The following RASGRF2 variants were observed in gnomAD, a reference collection of about 807,000 sequenced individuals.
RASGRF2 encodes Ras protein specific guanine nucleotide releasing factor 2, also known as ras-specific guanine nucleotide-releasing factor 2.
In RASGRF2, 76 loss-of-function variants were observed where a neutral mutation model predicts 151.0. The observed-to-expected ratio is 0.50, with a 90% confidence interval of 0.42 to 0.61. The LOEUF is 0.61. Among genes scored for constraint, RASGRF2 ranks in the 20% least tolerant of loss-of-function variants. The probability of loss-of-function intolerance (pLI) is 0.00; values close to 1 mark genes in which losing one functional copy is unlikely to be tolerated. For missense variants in RASGRF2, 1,148 were observed against 1,564.6 expected (o/e 0.73, Z 4.49); for synonymous variants, 504 against 566.5 (o/e 0.89, Z 1.57).
chr5:81,074,316 A>T (rs554281156), intron 5 of RASGRF2, among the ~76,000 whole-genome samples: 1 of 152,328 alleles, frequency 6.6e-6, no homozygotes, highest in South Asian at 2.1e-4. Flanking sequence ...AGAAAAATAA[A>T]GAAGGGAATG....
Position 81,005,330 on chromosome 5 carries a change from C to T in RASGRF2, c.289-37547C>T, listed in dbSNP as rs1035534322. Among the ~76,000 whole-genome samples, 16 of 152,106 alleles carry T rather than the reference C, an allele frequency of 1.1e-4. No homozygotes were observed. In the South Asian group the frequency reaches 2.5e-3, roughly 24 times the overall value. On this transcript the variant is annotated intron_variant, in intron 1 of 26. Coordinates refer to ENST00000265080, the MANE Select transcript of RASGRF2 (RefSeq NM_006909.3). ...TTCATGCTGGCAGGAAGAAGAAATG[C>T]GAGCGAAGGTGGGGAAAAGCCCCTT...
intron 12 of RASGRF2, among the ~76,000 whole-genome samples, chr5:81,095,538 A>G (rs531227359): frequency 1.3e-5 from 2 of 152,296 alleles, no homozygotes; most frequent in East Asian, 3.9e-4. Flanking sequence ...TGCTCCATTT[A>G]TTTAGGAAAT....
At chr5:81,009,930 G>A (rs569329262) in intron 1 of RASGRF2, among the ~76,000 whole-genome samples, 2 of 152,060 alleles carry the variant, frequency 1.3e-5, no homozygotes, top group Non-Finnish European at 2.9e-5. Context: ...AGGCAGAGGC[G>A]GGCGGATCAC....
chr5:81,068,515 G>A (rs1347547765), intron 3 of RASGRF2, among the ~76,000 whole-genome samples: 1 of 151,598 alleles, frequency 6.6e-6, no homozygotes, highest in African/African-American at 2.4e-5. Context: ...TGATAATTAT[G>A]AGTCTGCCAT....
intron 1 of RASGRF2, among the ~76,000 whole-genome samples, chr5:81,032,052 G>T (rs1411318104): frequency 2.0e-5 from 3 of 152,088 alleles, no homozygotes; most frequent in Non-Finnish European, 4.4e-5. Context: ...AAATGTAGAA[G>T]AAATGGATAA....
intron 12 of RASGRF2, among the ~76,000 whole-genome samples, chr5:81,107,362 A>G (rs1378822148): frequency 6.6e-6 from 1 of 152,150 alleles, no homozygotes; most frequent in African/African-American, 2.4e-5. Flanking sequence ...AGTGTCTCTA[A>G]AAAATAATAA....
intron 17 of RASGRF2, among the ~76,000 whole-genome samples, chr5:81,159,255 A>G (rs1392116470): frequency 6.6e-6 from 1 of 152,240 alleles, no homozygotes; most frequent in Non-Finnish European, 1.5e-5. Flanking sequence ...ATGTTTTTTT[A>G]AAGGGTCAGG....
chr5:81,180,922 C>G (rs1039386928), intron 18 of RASGRF2, among the ~76,000 whole-genome samples: 1 of 152,086 alleles, frequency 6.6e-6, no homozygotes, highest in Non-Finnish European at 1.5e-5. Context: ...AAGTCAGGTG[C>G]CACTTTGCCC....
intron 1 of RASGRF2, among the ~76,000 whole-genome samples, chr5:80,981,440 A>T (rs1054610175): frequency 7.2e-5 from 11 of 152,112 alleles, no homozygotes; most frequent in Non-Finnish European, 7.4e-5. Context: ...AGAGGCAATG[A>T]GGCTTTCTTA....
chr5:81,109,535 G>A (rs895761689), intron 13 of RASGRF2, among the ~76,000 whole-genome samples: 5 of 152,066 alleles, frequency 3.3e-5, no homozygotes, highest in Admixed American at 1.3e-4. Flanking sequence ...GCATGATGGC[G>A]GACACCTGTA....
intron 17 of RASGRF2, among the ~76,000 whole-genome samples, chr5:81,177,285 C>A (rs1754797218): frequency 6.6e-6 from 1 of 152,112 alleles, no homozygotes; most frequent in African/African-American, 2.4e-5. Context: ...AAGATACTTA[C>A]TCTGCCAAGA....
rs1753479512 is a variant in RASGRF2 at position 81,127,152 on chromosome 5, G to A, written c.2675G>A (p.Gly892Glu). 6.2e-7 allele frequency: 1 copy of A among 1,613,862 alleles called. No individual in the cohort carries two copies. Among genetic ancestry groups the A allele is most frequent in the East Asian group, 2.2e-5 (1 of 44,880 alleles). ...ATAGCCACAGCTGCAGCAGGACATG[G>A]GAGTCCACCAGGTGAGTAGGGGAGC... ...FAIATAAAGH[G>E]SPPGFNNTER... Residue 892 changes from glycine (G) to glutamate (E), a missense_variant, in exon 17 of 27, where the codon GGG (glycine) becomes GAG (glutamate). Physicochemically the swap from Gly to Glu is moderately conservative, Grantham distance 98 (BLOSUM62 -2). Around this residue, in one of 5 missense-constraint regions of RASGRF2, gnomAD observed 646 missense variants for 807.4 expected, o/e 0.80. Coordinates refer to ENST00000265080, the MANE Select transcript of RASGRF2 (RefSeq NM_006909.3).
At chr5:81,090,191 A>C (rs1372085959) in intron 9 of RASGRF2, among the ~76,000 whole-genome samples, 1 of 152,216 alleles carries the variant, frequency 6.6e-6, no homozygotes, top group Non-Finnish European at 1.5e-5. Context: ...ATATCTTCTC[A>C]AATGCCTAAC....
chr5:80,999,503 T>C (rs1197331695), intron 1 of RASGRF2, among the ~76,000 whole-genome samples: 1 of 151,972 alleles, frequency 6.6e-6, no homozygotes, highest in Non-Finnish European at 1.5e-5. Flanking sequence ...CCACCATGCC[T>C]GGAATATTTA....
At chr5:80,969,823 T>C (rs1205736266) in intron 1 of RASGRF2, among the ~76,000 whole-genome samples, 1 of 89,686 alleles carries the variant, frequency 1.1e-5, no homozygotes, top group Non-Finnish European at 2.9e-5. Flanking sequence ...TTCTTTTTTT[T>C]TTTTTTTTTT....
rs1037650233 is a variant in RASGRF2, at chr5:81,042,803, G to A, written c.289-74G>A. On this transcript the variant is annotated intron_variant, in intron 1 of 26. Coordinates refer to ENST00000265080, the MANE Select transcript of RASGRF2 (RefSeq NM_006909.3). ...ATTTTGTAAATATGTACCCTTTGTA[G>A]GCAGATACTGTGTTATTATGCTGTT... 3.9e-6 allele frequency: 4 copies of A among 1,024,418 alleles called. No homozygotes were observed. The African/African-American group carries it at 4.8e-5, about 12-fold the overall frequency. 63.5% of individuals were successfully genotyped at this position (1,024,418 alleles called of 1,614,324 possible).
rs575901233 is a variant in RASGRF2 at position 81,117,219 on chromosome 5, G to T, written c.2470+3299G>T. ...ATAAGCTGGAAAAAAGTTAGACTTGGGGTATCTTACTTTGTTTTGGGCTGT... is the reference window on the plus strand; with the variant it reads ...ATAAGCTGGAAAAAAGTTAGACTTGTGGTATCTTACTTTGTTTTGGGCTGT... On this transcript the variant is annotated intron_variant, in intron 15 of 26. Transcript: ENST00000265080. Among the ~76,000 whole-genome samples, 9 of 152,246 alleles carry T rather than the reference G, an allele frequency of 5.9e-5. No individual in the cohort carries two copies. In the South Asian group the frequency reaches 1.9e-3, roughly 32 times the overall value.
At chr5:81,192,457 A>G (rs1200795288) in intron 18 of RASGRF2, among the ~76,000 whole-genome samples, 2 of 152,210 alleles carry the variant, frequency 1.3e-5, no homozygotes, top group East Asian at 3.9e-4. Context: ...TAGTTAGGCA[A>G]TGGAAAATGC....
chr5:81,198,669 G>T (rs113669582), intron 18 of RASGRF2, among the ~76,000 whole-genome samples: 17 of 152,156 alleles, frequency 1.1e-4, no homozygotes, highest in Non-Finnish European at 2.4e-4. Context: ...TCGATCTCCT[G>T]ACCTCATGAT....
Sources: allele counts gnomAD v4.1 joint callset (sites outside exome capture counted in the v4.1 genomes callset), GRCh38; gene constraint gnomAD v4.1.1; regional missense constraint gnomAD v4.1.1; transcripts MANE v1.5; gene names NCBI Gene and HGNC (gene_info 2026-07-23, HGNC 2026-07-21).